VEGFC: variants seen among roughly 807,000 people sequenced by gnomAD.
VEGFC encodes vascular endothelial growth factor C, also known as FLT4 ligand DHM.
A neutral mutation model predicts 46.1 loss-of-function variants in VEGFC; 12 were observed. The ratio of observed to expected loss-of-function variants is 0.26; its 90% CI spans 0.17 to 0.42. The LOEUF (loss-of-function observed/expected upper bound fraction) is 0.42. Among genes scored for constraint, VEGFC ranks in the 10% least tolerant of loss-of-function variants. The pLI is 1.00. For synonymous variants in VEGFC, 232 were observed against 195.5 expected, an observed-to-expected ratio of 1.19 and a Z score of -1.56; for missense variants, 488 against 529.4, an observed-to-expected ratio of 0.92 and a Z score of 0.77.
At chr4:176,700,412 C>T (rs1016497476) in intron 4 of VEGFC, among the ~76,000 whole-genome samples, 5 of 140,876 alleles carry the variant, frequency 3.5e-5, no homozygotes, top group Admixed American at 7.2e-5. Flanking sequence ...ATGAGACTCT[C>T]GAAAAAAAAA....
chr4:176,788,776 C>A (rs1736042940), intron 1 of VEGFC, among the ~76,000 whole-genome samples: 1 of 152,172 alleles, frequency 6.6e-6, no homozygotes, highest in African/African-American at 2.4e-5. Context: ...TAAATAGAAC[C>A]ATTCTAAGTC....
chr4:176,777,955 T>C (rs1338349449), intron 1 of VEGFC, among the ~76,000 whole-genome samples: 6 of 148,528 alleles, frequency 4.0e-5, no homozygotes, highest in South Asian at 2.1e-4. Flanking sequence ...AAAAAGCTAT[T>C]CTTGTTATAT....
chr4:176,695,516 C>T (rs1734294344), intron 4 of VEGFC, among the ~76,000 whole-genome samples: 2 of 150,006 alleles, frequency 1.3e-5, no homozygotes, highest in South Asian at 4.3e-4. Flanking sequence ...GAGTCCAGGA[C>T]CAGACGGATT....
At chr4:176,753,123 G>A (rs755023098) in intron 1 of VEGFC, among the ~76,000 whole-genome samples, 7 of 152,048 alleles carry the variant, frequency 4.6e-5, no homozygotes, top group Non-Finnish European at 8.8e-5. Context: ...ACAGGCAGCT[G>A]CTGTGGCATT....
intron 1 of VEGFC, among the ~76,000 whole-genome samples, chr4:176,753,806 G>A (rs1433243354): frequency 1.3e-5 from 2 of 152,062 alleles, no homozygotes; most frequent in Non-Finnish European, 2.9e-5. Context: ...ATACTTGCCA[G>A]TTTGATACAG....
At chr4:176,779,236 A>T (rs6843435) in intron 1 of VEGFC, among the ~76,000 whole-genome samples, 16,652 of 152,164 alleles carry the variant, frequency 0.11, 2,268 homozygotes, top group African/African-American at 0.32. Context: ...AAGAATTTAA[A>T]TTTAAATTTA....
chr4:176,716,468 T>G (rs1247153813), intron 3 of VEGFC, among the ~76,000 whole-genome samples: 1 of 151,068 alleles, frequency 6.6e-6, no homozygotes, highest in East Asian at 1.9e-4. Flanking sequence ...TCCCAGCTAC[T>G]TGGGAGGCTG....
At chr4:176,718,819 C>T (rs1734736188) in intron 3 of VEGFC, among the ~76,000 whole-genome samples, 1 of 152,034 alleles carries the variant, frequency 6.6e-6, no homozygotes, top group Non-Finnish European at 1.5e-5. Context: ...ACTTTTAATC[C>T]AAATGTGTGC....
chr4:176,726,053 C>T (rs1734869286), intron 3 of VEGFC, among the ~76,000 whole-genome samples: 1 of 151,928 alleles, frequency 6.6e-6, no homozygotes. Flanking sequence ...ATAGTAAGTA[C>T]AAAACTATAA....
chr4:176,731,717 C>T (rs1323136815), intron 1 of VEGFC, among the ~76,000 whole-genome samples: 1 of 151,798 alleles, frequency 6.6e-6, no homozygotes, highest in East Asian at 1.9e-4. Context: ...GCATGTTCAG[C>T]CTAGCAAGAG....
At chr4:176,692,141 T>C (rs978320695) in intron 4 of VEGFC, among the ~76,000 whole-genome samples, 7 of 151,914 alleles carry the variant, frequency 4.6e-5, no homozygotes, top group African/African-American at 1.5e-4. Flanking sequence ...ACGCCTGTAA[T>C]CCCAGCACTT....
Position 176,761,007 on chromosome 4 carries a change from ATG to A in VEGFC, c.147+31156_147+31157del, listed in dbSNP as rs1426626161. Among the ~76,000 whole-genome samples the A allele has an allele frequency of 5.9e-5, 9 of 152,348 alleles. No individual in the cohort carries two copies. The East Asian group carries it at 1.7e-3, about 29-fold the overall frequency. On this transcript the variant is annotated intron_variant, in intron 1 of 6. Transcript: ENST00000618562. Reference sequence around the variant, plus strand: ...CCAATGGGCAAAGTTCAAAGATCCCATGAATTTGAAGTGATTTCCTCCACTTC... The same window carrying A: ...CCAATGGGCAAAGTTCAAAGATCCCAAATTTGAAGTGATTTCCTCCACTTC...
intron 1 of VEGFC, among the ~76,000 whole-genome samples, chr4:176,744,652 T>G (rs1289309153): frequency 6.6e-6 from 1 of 152,128 alleles, no homozygotes; most frequent in Admixed American, 6.6e-5. Context: ...ATTATAATAG[T>G]AACAATTATT....
chr4:176,709,053 G>T (rs1044689371), intron 4 of VEGFC, among the ~76,000 whole-genome samples: 2 of 152,118 alleles, frequency 1.3e-5, no homozygotes, highest in African/African-American at 4.8e-5. Context: ...TTTTGCTGTA[G>T]CTTCCTGTCT....
At chr4:176,759,700 T>C (rs1379445753) in intron 1 of VEGFC, among the ~76,000 whole-genome samples, 1 of 151,664 alleles carries the variant, frequency 6.6e-6, no homozygotes, top group African/African-American at 2.4e-5. Flanking sequence ...GTGTACACCA[T>C]GCATATAGCC....
intron 4 of VEGFC, among the ~76,000 whole-genome samples, chr4:176,692,847 G>A (rs1445743537): frequency 2.7e-5 from 4 of 146,178 alleles, no homozygotes; most frequent in Admixed American, 6.7e-5. Flanking sequence ...TAACTGGGAG[G>A]CACCCCCCAG....
chr4:176,740,121 TATATATAGA>T (rs1735136751), intron 1 of VEGFC, among the ~76,000 whole-genome samples: 1 of 127,058 alleles, frequency 7.9e-6, no homozygotes, highest in Non-Finnish European at 1.6e-5. Flanking sequence ...ATATATATTC[TATATATAGA>T]ATATATAACT....
intron 1 of VEGFC, among the ~76,000 whole-genome samples, chr4:176,779,593 C>A (rs561931428): frequency 1.5e-3 from 223 of 152,252 alleles, no homozygotes; most frequent in Non-Finnish European, 2.7e-3. Flanking sequence ...GGGTGAAACA[C>A]TTTCCTCTGG....
chr4:176,765,330 G>A (rs916641132), intron 1 of VEGFC, among the ~76,000 whole-genome samples: 1 of 151,484 alleles, frequency 6.6e-6, no homozygotes, highest in South Asian at 2.1e-4. Context: ...TAGAGATATA[G>A]AGCAGATACT....
Sources: allele counts gnomAD v4.1 joint callset (sites outside exome capture counted in the v4.1 genomes callset), GRCh38; gene constraint gnomAD v4.1.1; transcripts MANE v1.5; gene names NCBI Gene and HGNC (gene_info 2026-07-23, HGNC 2026-07-21).